Variants in PPP3CB observed in about 807,000 individuals in gnomAD.
The protein encoded by PPP3CB is protein phosphatase 3 catalytic subunit beta.
In PPP3CB, 8 loss-of-function variants were observed where a neutral mutation model predicts 66.4. The observed-to-expected ratio is 0.12, with a 90% CI of 0.07 to 0.22. The LOEUF (loss-of-function observed/expected upper bound fraction) is 0.22, where lower values mean the gene tolerates loss of function less well. Among genes scored for constraint, PPP3CB ranks in the 10% least tolerant of loss-of-function variants. The pLI, the probability that PPP3CB is intolerant of heterozygous loss-of-function variation, is 1.00. For synonymous variants in PPP3CB, 208 were observed against 221.2 expected, an observed-to-expected ratio of 0.94 and a Z score of 0.53; for missense variants, 319 against 642.5, an observed-to-expected ratio of 0.50 and a Z score of 5.44.
Position 73,457,674 on chromosome 10 carries a change from G to A in PPP3CB, c.1109-3185C>T, listed in dbSNP as rs149210702. 9.6e-3 allele frequency among the ~76,000 whole-genome samples: 1,459 copies of A among 151,234 alleles called. 24 individuals are homozygous for A. Among genetic ancestry groups the A allele is most frequent in the African/African-American group, 0.033 (1,362 of 41,146 alleles). ...AATCGCTTGAATCTGGGAGGTGGAG[G>A]TTGCAGTGAGCCAAGATGGTACCAC... On this transcript the variant is annotated intron_variant, in intron 9 of 13. Coordinates refer to ENST00000360663, the MANE Select transcript of PPP3CB (RefSeq NM_021132.4).
chr10:73,489,674 T>C (rs1478930867), intron 1 of PPP3CB, among the ~76,000 whole-genome samples: 1 of 152,220 alleles, frequency 6.6e-6, no homozygotes, highest in Non-Finnish European at 1.5e-5. Context: ...GCTTGTGCTT[T>C]TAATCATCCA....
rs760374092 is a variant in PPP3CB at position 73,495,843 on chromosome 10, G to A, written c.47C>T (p.Pro16Leu). 1.4e-6 allele frequency: 2 copies of A among 1,476,852 alleles called. No homozygotes were observed. The highest frequency in any genetic ancestry group is 1.8e-6 in the Non-Finnish European group (2 of 1,112,032). 91.5% of individuals were successfully genotyped at this position (1,476,852 alleles called of 1,614,324 possible). The change falls in exon 1 of 14, where the codon CCC (proline) becomes CTC (leucine). Residue 16 changes from proline to leucine, a missense_variant. Pro to Leu is a moderately conservative substitution (Grantham distance 98, BLOSUM62 -3). Transcript: ENST00000360663. ...PARAAPPPPP[P>L]PPPPPGADRV... ...GTCAGCCCCGGGAGGGGGCGGCGGG[G>A]GCGGGGGTGGGGGCGGTGCAGCCCG... is the stretch of plus-strand genomic sequence containing the variant.
In PPP3CB at chr10:73,475,826, A is replaced by G. The variant is rs1184876839; in HGVS notation, c.412-796T>C. 2.6e-5 allele frequency among the ~76,000 whole-genome samples: 4 copies of G among 152,306 alleles called. No homozygotes were observed. In the South Asian group the frequency reaches 8.3e-4, roughly 32 times the overall value. ...AGAAATATTTGATATGGAAATAAGC[A>G]TGGTTTATATAATCATATGCAAAAA... is the stretch of plus-strand genomic sequence containing the variant. On this transcript the variant is annotated intron_variant, in intron 3 of 13. Transcript: ENST00000360663.
chr10:73,490,287 A>T (rs1406502668), intron 1 of PPP3CB, among the ~76,000 whole-genome samples: 1 of 152,134 alleles, frequency 6.6e-6, no homozygotes, highest in Non-Finnish European at 1.5e-5. Flanking sequence ...TCAGCAACTT[A>T]CCTGGCAATT....
intron 1 of PPP3CB, among the ~76,000 whole-genome samples, chr10:73,482,774 C>T (rs1003997270): frequency 2.6e-5 from 4 of 151,812 alleles, no homozygotes; most frequent in Non-Finnish European, 5.9e-5. Flanking sequence ...CCCGCCACCA[C>T]ACCCGGCTAA....
At chr10:73,475,658 T>TA (rs767905744) in intron 3 of PPP3CB, among the ~76,000 whole-genome samples, 4 of 152,224 alleles carry the variant, frequency 2.6e-5, no homozygotes, top group Non-Finnish European at 5.9e-5. Context: ...TTACATATGG[T>TA]AAGTGCTTAT....
intron 12 of PPP3CB, chr10:73,444,443 A>G (rs903081536): frequency 9.3e-5 from 78 of 842,306 alleles, no homozygotes; most frequent in Non-Finnish European, 1.3e-4. Flanking sequence ...GAATAAATAA[A>G]TATTTCAGAC....
intron 10 of PPP3CB, among the ~76,000 whole-genome samples, chr10:73,452,778 C>T (rs2056367895): frequency 6.6e-6 from 1 of 151,376 alleles, no homozygotes. Flanking sequence ...TAAAAAATAA[C>T]TGATAATAAA....
intron 3 of PPP3CB, 91 bp from the exon 4 acceptor site, chr10:73,475,121 C>T: frequency 1.4e-6 from 2 of 1,430,478 alleles, no homozygotes; most frequent in Non-Finnish European, 1.8e-6. Flanking sequence ...ACTACCCTTA[C>T]CATCCTCTAT....
chr10:73,491,047 TTTTTTG>T (rs1177146879), intron 1 of PPP3CB, among the ~76,000 whole-genome samples: 3 of 136,280 alleles, frequency 2.2e-5, no homozygotes, highest in African/African-American at 8.8e-5. Context: ...TTTTTTTTTT[TTTTTTG>T]ACAGTCTTGC....
Position 73,446,346 on chromosome 10 carries a change from C to T in PPP3CB, c.1268+146G>A, listed in dbSNP as rs1459662079. The stretch of plus-strand genomic sequence containing the variant: ...AACTCCTGACCTCAGGTGATCCGCC[C>T]GCCTTGGCATCCCAAAATGCTGAGA... On this transcript the variant is annotated intron_variant, in intron 11 of 13. Coordinates refer to ENST00000360663, the MANE Select transcript of PPP3CB (RefSeq NM_021132.4). The T allele has an allele frequency of 1.1e-5, 8 of 714,390 alleles. 1 individual carries two copies. Among genetic ancestry groups the T allele is most frequent in the Middle Eastern group, 4.0e-4 (1 of 2,508 alleles). 44.3% of individuals were successfully genotyped at this position (714,390 alleles called of 1,614,324 possible).
chr10:73,454,722 CAAA>C (rs58855717), intron 9 of PPP3CB, among the ~76,000 whole-genome samples: 2 of 91,456 alleles, frequency 2.2e-5, no homozygotes, highest in Non-Finnish European at 2.4e-5. Flanking sequence ...TCAGGCCTCT[CAAA>C]AAAAAAAAAA....
chr10:73,440,606 A>C (rs2056128202), intron 12 of PPP3CB, among the ~76,000 whole-genome samples: 1 of 152,188 alleles, frequency 6.6e-6, no homozygotes. Flanking sequence ...TGATGTTCCA[A>C]ATACCTACAG....
intron 9 of PPP3CB, among the ~76,000 whole-genome samples, chr10:73,465,857 T>C (rs1251066960): frequency 1.3e-5 from 2 of 152,226 alleles, no homozygotes; most frequent in Non-Finnish European, 2.9e-5. Flanking sequence ...TTTCTTACTG[T>C]GCTCAACACT....
At chr10:73,459,135 G>A (rs1428318412) in intron 9 of PPP3CB, among the ~76,000 whole-genome samples, 1 of 151,972 alleles carries the variant, frequency 6.6e-6, no homozygotes, top group Non-Finnish European at 1.5e-5. Context: ...ATCCTTAAAA[G>A]GTTAATCATA....
chr10:73,481,965 C>A (rs1417750526), intron 1 of PPP3CB, among the ~76,000 whole-genome samples: 1 of 151,804 alleles, frequency 6.6e-6, no homozygotes, highest in Admixed American at 6.6e-5. Flanking sequence ...AAAATAAAAG[C>A]CTCAAAGAAT....
chr10:73,471,688 ATTTT>A lies in PPP3CB; in HGVS notation c.524-79_524-76del, dbSNP rs980846151. 8 of 1,185,532 alleles carry A rather than the reference ATTTT, an allele frequency of 6.7e-6. No homozygotes were observed. The African/African-American group carries it at 1.3e-4, about 19-fold the overall frequency. 73.4% of individuals were successfully genotyped at this position (1,185,532 alleles called of 1,614,324 possible). A position where few individuals can be genotyped will look rare whatever the true frequency, so the allele number is the denominator to read the frequency against. On this transcript the variant is annotated intron_variant, in intron 4 of 13. Transcript: ENST00000360663. ...ACCATTTTAAAAACATATATATTAGATTTTTATTTCTTGTTCTCTCCCCTCCTTT... is the reference window on the plus strand; with the variant it reads ...ACCATTTTAAAAACATATATATTAGATATTTCTTGTTCTCTCCCCTCCTTT...
intron 3 of PPP3CB, among the ~76,000 whole-genome samples, chr10:73,476,188 TC>T (rs2132953884): frequency 6.6e-6 from 1 of 152,266 alleles, no homozygotes; most frequent in South Asian, 2.1e-4. Flanking sequence ...TTAAGGTATA[TC>T]TAAACATGTA....
At chr10:73,474,208 A>G (rs1304457812) in intron 4 of PPP3CB, among the ~76,000 whole-genome samples, 2 of 146,744 alleles carry the variant, frequency 1.4e-5, no homozygotes, top group Non-Finnish European at 3.0e-5. Flanking sequence ...ACGCCTGGCT[A>G]ATTTTTGTAT....
Sources: gnomAD v4.1 joint callset for allele counts (sites outside exome capture counted in the v4.1 genomes callset) on GRCh38, gnomAD v4.1.1 for gene constraint, MANE v1.5 for transcripts, NCBI Gene and HGNC (gene_info 2026-07-23, HGNC 2026-07-21) for gene names.